Variants in AAK1 observed in about 807,000 individuals in gnomAD.
The protein encoded by AAK1 is AP2 associated kinase 1, also known as AP2-associated protein kinase 1.
A neutral mutation model predicts 116.0 loss-of-function variants in AAK1; 37 were observed. That is an observed-to-expected ratio of 0.32 (90% CI 0.25 to 0.42). The LOEUF is 0.42. Ranked by LOEUF, AAK1 falls within the 10% of genes least tolerant of loss-of-function variation. AAK1 has a pLI of 1.00. For missense variants in AAK1, 919 were observed against 1,170.6 expected (o/e 0.79, Z 3.14); for synonymous variants, 458 against 439.9 (o/e 1.04, Z -0.51).
At chr2:69,575,758 G>A (rs900192652) in intron 2 of AAK1, among the ~76,000 whole-genome samples, 4 of 152,098 alleles carry the variant, frequency 2.6e-5, no homozygotes, top group Non-Finnish European at 4.4e-5. Flanking sequence ...GTGAGACACC[G>A]TGCCCGGCCA....
intron 20 of AAK1, 74 bp downstream of exon 20, chr2:69,478,873 TAAGA>T: frequency 8.3e-7 from 1 of 1,204,632 alleles, no homozygotes; most frequent in Non-Finnish European, 1.2e-6. Context: ...AGACTTTTGA[TAAGA>T]AAAACTTTCA....
At chr2:69,621,131 T>C (rs745853359) in intron 2 of AAK1, among the ~76,000 whole-genome samples, 3 of 152,210 alleles carry the variant, frequency 2.0e-5, no homozygotes, top group African/African-American at 4.8e-5. Context: ...GGTGATATAC[T>C]GGTCCATGCT....
chr2:69,553,354 A>C (rs534944792), intron 3 of AAK1, among the ~76,000 whole-genome samples: 26 of 152,080 alleles, frequency 1.7e-4, no homozygotes, highest in Non-Finnish European at 3.7e-4. Context: ...AAAAATCTAA[A>C]TGAAATGATT....
rs1448144347 is a variant in AAK1 at position 69,532,095 on chromosome 2, T to G, written c.602A>C (p.Lys201Thr). The change falls in exon 6 of 22, where the codon AAA becomes ACA. Residue 201 changes from lysine (K) to threonine (T), a missense_variant. Around this residue, in one of 4 missense-constraint regions of AAK1, gnomAD observed 317 missense variants for 490.4 expected, o/e 0.65. Transcript: ENST00000409085. ...TCCCTCAGTTTGTGGATTCTGGAATTTGTTGGTGGCGCTTCCAAAGTCACA... is the reference window on the plus strand; with the variant it reads ...TCCCTCAGTTTGTGGATTCTGGAATGTGTTGGTGGCGCTTCCAAAGTCACA... ...VLCDFGSATNKFQNPQTEGVN... is the reference protein window; with the variant it reads ...VLCDFGSATNTFQNPQTEGVN... 6.2e-7 allele frequency: 1 copy of G among 1,613,738 alleles called. No individual in the cohort carries two copies. The highest frequency in any genetic ancestry group is 8.5e-7 in the Non-Finnish European group (1 of 1,179,680).
chr2:69,632,836 G>A (rs1214767325), intron 2 of AAK1, among the ~76,000 whole-genome samples: 9 of 151,156 alleles, frequency 6.0e-5, no homozygotes, highest in South Asian at 4.2e-4. Context: ...GATCGAGACC[G>A]TCCTGGCTAT....
intron 3 of AAK1, among the ~76,000 whole-genome samples, chr2:69,546,893 A>G (rs868717057): frequency 1.2e-4 from 19 of 152,112 alleles, no homozygotes; most frequent in Middle Eastern, 3.2e-3. Flanking sequence ...ACATAAATCA[A>G]TCAAATCACT....
In AAK1 at chr2:69,471,521, A is replaced by G; in HGVS notation, c.*4348T>C. On this transcript the variant is annotated 3_prime_UTR_variant, in exon 22 of 22. Coordinates refer to ENST00000409085, the MANE Select transcript of AAK1 (RefSeq NM_014911.5). Reference sequence around the variant, plus strand: ...CTTCCATTCTAAATATTCATGTGATAGTTTTTCTGTTCTGCCAGGCAGCCT... The same window carrying G: ...CTTCCATTCTAAATATTCATGTGATGGTTTTTCTGTTCTGCCAGGCAGCCT... 1.0e-6 allele frequency: 1 copy of G among 985,434 alleles called. No individual in the cohort carries two copies. The highest frequency in any genetic ancestry group is 1.2e-6 in the Non-Finnish European group (1 of 829,942). 61.0% of individuals were successfully genotyped at this position (985,434 alleles called of 1,614,324 possible). A position where few individuals can be genotyped will look rare whatever the true frequency, so the allele number is the denominator to read the frequency against.
intron 2 of AAK1, among the ~76,000 whole-genome samples, chr2:69,576,454 C>T (rs1228397924): frequency 6.6e-6 from 1 of 151,896 alleles, no homozygotes; most frequent in African/African-American, 2.4e-5. Context: ...GTATTAAGCC[C>T]AGTACCCAAT....
chr2:69,523,566 T>C (rs1467049349), intron 10 of AAK1, among the ~76,000 whole-genome samples: 1 of 152,184 alleles, frequency 6.6e-6, no homozygotes, highest in African/African-American at 2.4e-5. Flanking sequence ...CTCGTGATGG[T>C]GGTAGAAAAA....
At chr2:69,553,354 A>G (rs534944792) in intron 3 of AAK1, among the ~76,000 whole-genome samples, 3 of 152,080 alleles carry the variant, frequency 2.0e-5, no homozygotes, top group Non-Finnish European at 4.4e-5. Context: ...AAAAATCTAA[A>G]TGAAATGATT....
chr2:69,567,205 C>T (rs1024084864), intron 2 of AAK1, among the ~76,000 whole-genome samples: 7 of 152,218 alleles, frequency 4.6e-5, no homozygotes, highest in African/African-American at 1.7e-4. Flanking sequence ...CCTTTCACCC[C>T]ATTCTTGGCC....
intron 2 of AAK1, among the ~76,000 whole-genome samples, chr2:69,628,906 AAT>A (rs1349988895): frequency 1.3e-5 from 2 of 152,236 alleles, no homozygotes; most frequent in Admixed American, 6.5e-5. Flanking sequence ...AACAGGAAGA[AAT>A]ATGTTTGTTC....
chr2:69,544,047 T>C (rs1175733750), intron 4 of AAK1, among the ~76,000 whole-genome samples: 1 of 152,210 alleles, frequency 6.6e-6, no homozygotes, highest in African/African-American at 2.4e-5. Context: ...AATGATGGCA[T>C]GAGTGGGAAA....
At chr2:69,619,245 G>GC (rs1674477490) in intron 2 of AAK1, among the ~76,000 whole-genome samples, 1 of 152,026 alleles carries the variant, frequency 6.6e-6, no homozygotes, top group African/African-American at 2.4e-5. Flanking sequence ...AGTATCCTCA[G>GC]CCCCATACTT....
intron 2 of AAK1, among the ~76,000 whole-genome samples, chr2:69,585,212 T>G (rs1672713332): frequency 6.6e-6 from 1 of 152,206 alleles, no homozygotes; most frequent in East Asian, 1.9e-4. Flanking sequence ...GCATAACATA[T>G]AAGAGATATT....
intron 2 of AAK1, among the ~76,000 whole-genome samples, chr2:69,604,482 T>G (rs1673711823): frequency 6.6e-6 from 1 of 152,156 alleles, no homozygotes; most frequent in South Asian, 2.1e-4. Flanking sequence ...CTCCAAATGC[T>G]CATTGCTAAC....
intron 2 of AAK1, among the ~76,000 whole-genome samples, chr2:69,608,646 G>A (rs1356185796): frequency 2.0e-5 from 3 of 152,162 alleles, no homozygotes; most frequent in Non-Finnish European, 2.9e-5. Flanking sequence ...TTGGAAAAGC[G>A]AAACAAATTC....
intron 3 of AAK1, among the ~76,000 whole-genome samples, chr2:69,554,559 G>T (rs944420673): frequency 2.0e-4 from 31 of 152,212 alleles, no homozygotes; most frequent in Non-Finnish European, 4.3e-4. Flanking sequence ...AAGAATGGAA[G>T]ATGAGAATAC....
intron 17 of AAK1, among the ~76,000 whole-genome samples, chr2:69,484,521 A>G (rs1486284967): frequency 6.6e-6 from 1 of 152,206 alleles, no homozygotes; most frequent in Non-Finnish European, 1.5e-5. Flanking sequence ...GGCTGGGTGC[A>G]GTGGCTCACG....
Sources: gnomAD v4.1 joint callset for allele counts (sites outside exome capture counted in the v4.1 genomes callset) on GRCh38, gnomAD v4.1.1 for gene constraint, gnomAD v4.1.1 regional missense constraint, MANE v1.5 for transcripts, NCBI Gene and HGNC (gene_info 2026-07-23, HGNC 2026-07-21) for gene names.